DSCAM: variants seen among roughly 807,000 people sequenced by gnomAD.
DSCAM encodes the protein DS cell adhesion molecule, also known as cell adhesion molecule DSCAM.
In DSCAM, 47 loss-of-function variants were observed where a neutral mutation model predicts 217.7. That is an observed-to-expected ratio of 0.22 (90% CI 0.17 to 0.28). The LOEUF (loss-of-function observed/expected upper bound fraction) is 0.28. Ranked by LOEUF, DSCAM falls within the 10% of genes least tolerant of loss-of-function variation. The probability of loss-of-function intolerance (pLI) is 1.00; values close to 1 mark genes in which losing one functional copy is unlikely to be tolerated. For missense variants in DSCAM, 2,080 were observed against 2,618.3 expected, an observed-to-expected ratio of 0.79 and a Z score of 4.49; for synonymous variants, 1,056 against 1,015.3, an observed-to-expected ratio of 1.04 and a Z score of -0.76.
intron 15 of DSCAM, among the ~76,000 whole-genome samples, chr21:40,175,815 A>ACACACACACGCACG (rs2090722695): frequency 6.0e-5 from 9 of 149,652 alleles, no homozygotes; most frequent in African/African-American, 1.2e-4. Context: ...ACACGCACAC[A>ACACACACACGCACG]CACACACACG....
At chr21:40,767,369 C>T (rs1298450578) in intron 1 of DSCAM, among the ~76,000 whole-genome samples, 1 of 152,072 alleles carries the variant, frequency 6.6e-6, no homozygotes, top group Non-Finnish European at 1.5e-5. Context: ...AACTTCGGGC[C>T]CACATCACTT....
rs1234846507 is a variant in DSCAM, at chr21:40,732,052, T to C, written c.44-23281A>G. ...CTTAATTACCTCTTTAAAAGCCCCA[T>C]CTCCACATACAATCACCTTCTGAGG... On this transcript the variant is annotated intron_variant, in intron 1 of 32. Coordinates refer to ENST00000400454, the MANE Select transcript of DSCAM (RefSeq NM_001389.5). Among the ~76,000 whole-genome samples, 5 of 152,190 alleles carry C rather than the reference T, an allele frequency of 3.3e-5. No homozygotes were observed. The East Asian group carries it at 5.8e-4, about 18-fold the overall frequency.
intron 1 of DSCAM, among the ~76,000 whole-genome samples, chr21:40,767,989 CAG>C (rs948300837): frequency 1.3e-5 from 2 of 151,840 alleles, no homozygotes; most frequent in East Asian, 1.9e-4. Context: ...TGTTCAGTGA[CAG>C]GGACAAAAAG....
chr21:40,322,716 G>T (rs930201923), intron 8 of DSCAM, among the ~76,000 whole-genome samples: 10 of 152,010 alleles, frequency 6.6e-5, no homozygotes, highest in Non-Finnish European at 1.3e-4. Context: ...GTAGAGACAG[G>T]GTTTCACCAT....
chr21:40,309,020 T>C (rs2074109985), intron 9 of DSCAM, among the ~76,000 whole-genome samples: 1 of 152,144 alleles, frequency 6.6e-6, no homozygotes, highest in Admixed American at 6.6e-5. Context: ...TAATCTCCTC[T>C]TTATCTTGAC....
rs746454978 is a variant in DSCAM, at chr21:40,339,296, C to T, written c.1330G>A (p.Asp444Asn). 1 of 1,614,188 alleles carries T rather than the reference C, an allele frequency of 6.2e-7. No individual in the cohort carries two copies. The highest frequency in any genetic ancestry group is 8.5e-7 in the Non-Finnish European group (1 of 1,180,036). Residue 444 changes from aspartate (D) to asparagine (N), a missense_variant, in exon 7 of 33, where the codon GAT becomes AAT. Physicochemically the swap from Asp to Asn is conservative, Grantham distance 23. Transcript: ENST00000400454. ...CTGCCACCCTTGAGAATCGGGTCAT[C>T]GTCCAGGGTCCACGTGATCGTGGGC... is the stretch of plus-strand genomic sequence containing the variant. Reference protein sequence around the residue: ...PLPTITWTLDDDPILKGGSHR... With the variant: ...PLPTITWTLDNDPILKGGSHR...
chr21:40,496,311 A>G (rs946634102), intron 3 of DSCAM, among the ~76,000 whole-genome samples: 3 of 152,184 alleles, frequency 2.0e-5, no homozygotes, highest in Non-Finnish European at 4.4e-5. Flanking sequence ...GTACTGGCAT[A>G]GAAACAGACA....
At chr21:40,150,732 G>A (rs2090415648) in intron 16 of DSCAM, among the ~76,000 whole-genome samples, 1 of 152,174 alleles carries the variant, frequency 6.6e-6, no homozygotes, top group South Asian at 2.1e-4. Flanking sequence ...TTTGAATGAT[G>A]CTTTAGACAT....
chr21:40,475,476 T>G (rs563913463), intron 3 of DSCAM, among the ~76,000 whole-genome samples: 1 of 152,338 alleles, frequency 6.6e-6, no homozygotes, highest in East Asian at 1.9e-4. Context: ...CGTCCTGGCC[T>G]CCTTATGATT....
At chr21:40,129,045 CCACA>C (rs1455659647) in intron 19 of DSCAM, among the ~76,000 whole-genome samples, 3 of 152,146 alleles carry the variant, frequency 2.0e-5, no homozygotes, top group African/African-American at 7.2e-5. Flanking sequence ...GACTAAACAC[CCACA>C]CAGACACCGC....
intron 3 of DSCAM, among the ~76,000 whole-genome samples, chr21:40,614,413 A>G (rs2089359648): frequency 6.6e-6 from 1 of 152,220 alleles, no homozygotes; most frequent in Admixed American, 6.5e-5. Flanking sequence ...ATGAAAAGCT[A>G]CTTACAAACA....
intron 1 of DSCAM, 102 bp from the exon 2 acceptor site, chr21:40,708,873 G>A (rs1298071934): frequency 5.8e-6 from 5 of 865,854 alleles, no homozygotes; most frequent in Non-Finnish European, 8.2e-6. Context: ...AATTAATCAT[G>A]AGGCGCAGGC....
intron 16 of DSCAM, among the ~76,000 whole-genome samples, chr21:40,150,339 GA>G (rs2090411749): frequency 6.6e-6 from 1 of 152,178 alleles, no homozygotes; most frequent in African/African-American, 2.4e-5. Context: ...ATCACATGAA[GA>G]GAAAATTGTA....
chr21:40,535,917 A>C (rs2076492296), intron 3 of DSCAM, among the ~76,000 whole-genome samples: 1 of 152,194 alleles, frequency 6.6e-6, no homozygotes, highest in African/African-American at 2.4e-5. Context: ...TTTGGGAGAA[A>C]AAAACACCTA....
chr21:40,363,771 A>C (rs2074795060), intron 4 of DSCAM, among the ~76,000 whole-genome samples: 2 of 152,142 alleles, frequency 1.3e-5, no homozygotes, highest in South Asian at 4.1e-4. Flanking sequence ...AATTTTTGCA[A>C]TCTACTCATC....
chr21:40,021,259 A>G (rs1181676590), intron 32 of DSCAM, among the ~76,000 whole-genome samples: 2 of 151,930 alleles, frequency 1.3e-5, no homozygotes, highest in South Asian at 2.1e-4. Context: ...GTCGGTAGAC[A>G]GATAAAAATT....
At chr21:40,634,327 G>A (rs1457153298) in intron 3 of DSCAM, among the ~76,000 whole-genome samples, 1 of 152,158 alleles carries the variant, frequency 6.6e-6, no homozygotes, top group African/African-American at 2.4e-5. Context: ...GCATAGAGCT[G>A]GCATCAGCCT....
chr21:40,249,617 C>T (rs577984371), intron 11 of DSCAM, among the ~76,000 whole-genome samples: 1 of 152,248 alleles, frequency 6.6e-6, no homozygotes, highest in East Asian at 1.9e-4. Flanking sequence ...AGTATGAAAG[C>T]AACATTTCAG....
intron 3 of DSCAM, among the ~76,000 whole-genome samples, chr21:40,434,688 C>A (rs2075567197): frequency 6.6e-6 from 1 of 152,056 alleles, no homozygotes; most frequent in African/African-American, 2.4e-5. Context: ...TCCTGATATG[C>A]CCTGTGTATA....
Sources: gnomAD v4.1 joint callset for allele counts (sites outside exome capture counted in the v4.1 genomes callset) on GRCh38, gnomAD v4.1.1 for gene constraint, MANE v1.5 for transcripts, NCBI Gene and HGNC (gene_info 2026-07-23, HGNC 2026-07-21) for gene names.